MYO19: variants seen among roughly 807,000 people sequenced by gnomAD.
The protein encoded by MYO19 is unconventional myosin-XIX.
MYO19 carries 132 observed loss-of-function variants against 129.2 expected under a neutral mutation model. That is an observed-to-expected ratio of 1.02 (90% confidence interval 0.89 to 1.18). The LOEUF (loss-of-function observed/expected upper bound fraction) is 1.18. MYO19 is among the 50% of genes most tolerant of loss of function. The pLI is 0.00. For missense variants in MYO19, 1,210 were observed against 1,216.7 expected (o/e 0.99, Z 0.08); for synonymous variants, 531 against 477.2 (o/e 1.11, Z -1.47).
intron 21 of MYO19, chr17:36,502,728 C>T (rs2071617932): frequency 4.3e-6 from 1 of 235,020 alleles, no homozygotes; most frequent in African/African-American, 2.3e-5. Context: ...GAACCAGCAA[C>T]ACAGAACTGG....
intron 6 of MYO19, among the ~76,000 whole-genome samples, chr17:36,519,350 T>C (rs920785265): frequency 2.6e-5 from 4 of 152,256 alleles, no homozygotes; most frequent in Non-Finnish European, 2.9e-5. Context: ...CTTAGCAACA[T>C]TGCTTGTTCT....
intron 2 of MYO19, among the ~76,000 whole-genome samples, chr17:36,541,177 C>T (rs527302878): frequency 2.4e-4 from 36 of 151,866 alleles, no homozygotes; most frequent in African/African-American, 8.2e-4. Context: ...GATCTCCTGA[C>T]CTCGTGATCC....
intron 15 of MYO19, 48 bp downstream of exon 15, chr17:36,507,755 T>C (rs2072019922): frequency 8.4e-6 from 13 of 1,540,358 alleles, no homozygotes; most frequent in Non-Finnish European, 5.3e-6. Context: ...CAGGAAGGGA[T>C]TGAGGATCCA....
chr17:36,508,072 G>A (rs2072044246), intron 14 of MYO19, 148 bp from the exon 15 acceptor site: 3 of 798,146 alleles, frequency 3.8e-6, no homozygotes, highest in Non-Finnish European at 5.5e-6. Flanking sequence ...ACCTGTGGTG[G>A]GCAGAACATA....
intron 3 of MYO19, among the ~76,000 whole-genome samples, chr17:36,529,931 C>G (rs2073725924): frequency 1.3e-5 from 2 of 152,316 alleles, no homozygotes; most frequent in South Asian, 4.1e-4. Flanking sequence ...TCCCTGTAAT[C>G]CCAGCTACTT....
chr17:36,499,315 C>T (rs1476040039), intron 23 of MYO19, 155 bp from the exon 24 acceptor site: 5 of 507,080 alleles, frequency 9.9e-6, no homozygotes, highest in African/African-American at 2.0e-5. Flanking sequence ...AAAATCAATA[C>T]ATAAGGCAAA....
chr17:36,514,433 A>T lies in MYO19; in HGVS notation c.720+13T>A. On this transcript the variant is annotated intron_variant, in intron 9 of 25. Transcript: ENST00000614623. The stretch of plus-strand genomic sequence containing the variant: ...CTCGCATCTGGGGGGCTGTGGCCCC[A>T]TTTGGCACAAACCTGATAGAAGATG... The T allele has an allele frequency of 3.8e-6, 6 of 1,587,280 alleles. No individual in the cohort carries two copies. The highest frequency in any genetic ancestry group is 5.2e-6 in the Non-Finnish European group (6 of 1,155,618).
In MYO19 at chr17:36,500,720, C is replaced by T. The variant is rs1402105539; in HGVS notation, c.2377+110G>A. 4 of 1,417,400 alleles carry T rather than the reference C, an allele frequency of 2.8e-6. No homozygotes were observed. In the East Asian group the frequency reaches 7.4e-5, roughly 26 times the overall value. The allele number at this position is 1,417,400 out of a possible 1,614,324, so 87.8% of individuals were successfully genotyped here. A position where few individuals can be genotyped will look rare whatever the true frequency, so the allele number is the denominator to read the frequency against. ...CCAGCACACCACAGGGACATCTCTT[C>T]AGGCTGGGACACAGCTTCAGGAGAT... On this transcript the variant is annotated intron_variant, in intron 23 of 25. Transcript: ENST00000614623.
Position 36,506,376 on chromosome 17 carries a change from G to A in MYO19, c.1797+80C>T, listed in dbSNP as rs150080639. ...CCACTGCTCCCCAACAAACAGCACCGATCCCGGCAGGTGCTCAATAAATAT... is the reference window on the plus strand; with the variant it reads ...CCACTGCTCCCCAACAAACAGCACCAATCCCGGCAGGTGCTCAATAAATAT... On this transcript the variant is annotated intron_variant, in intron 18 of 25. Coordinates refer to ENST00000614623, the MANE Select transcript of MYO19 (RefSeq NM_001163735.2). 2.2e-3 allele frequency: 3,436 copies of A among 1,573,508 alleles called. 7 individuals are homozygous for A. The highest frequency in any genetic ancestry group is 5.3e-3 in the Middle Eastern group (32 of 5,994).
chr17:36,496,667 G>A (rs189612240), intron 25 of MYO19, among the ~76,000 whole-genome samples: 2 of 152,164 alleles, frequency 1.3e-5, no homozygotes, highest in African/African-American at 4.8e-5. Flanking sequence ...TTACCCTTCT[G>A]TTTAGCAGGC....
intron 6 of MYO19, among the ~76,000 whole-genome samples, chr17:36,523,323 C>T (rs1292622036): frequency 3.3e-5 from 5 of 152,144 alleles, no homozygotes; most frequent in Non-Finnish European, 5.9e-5. Context: ...GTGGCAGCAG[C>T]CCTCAGCAGG....
rs771972623 is a variant in MYO19 at position 36,507,053 on chromosome 17, G to A, written c.1554C>T (p.His518=). The change falls in exon 17 of 26, where the codon CAC becomes CAT. Residue 518 remains histidine, a synonymous_variant. Transcript: ENST00000614623. The part of the protein sequence containing the change: ...TALAGSPCLG[H]NKLSREPSFI... ...AGCTGGGCTCCCGGCTGAGCTTATT[G>A]TGGCCCAGGCAGGGGCTGCCTGCCA... 6.2e-7 allele frequency: 1 copy of A among 1,613,640 alleles called. No individual in the cohort carries two copies. The highest frequency in any genetic ancestry group is 8.5e-7 in the Non-Finnish European group (1 of 1,179,676).
At chr17:36,497,649 A>G (rs2071120343) in intron 25 of MYO19, 4 of 608,536 alleles carry the variant, frequency 6.6e-6, no homozygotes, top group South Asian at 1.5e-4. Flanking sequence ...CAGCGGCGCA[A>G]TCTCGGCTCA....
At position 36,527,730 on chromosome 17, in the gene MYO19, G is replaced by A. The variant is rs373140861; in HGVS notation, c.152-31C>T. ...GCAGAGATGCCTTTAGCAAACTCGG[G>A]CTCAAATATAGTCAAACCACACACA... On this transcript the variant is annotated intron_variant, in intron 4 of 25. Coordinates refer to ENST00000614623, the MANE Select transcript of MYO19 (RefSeq NM_001163735.2). 2.9e-3 allele frequency: 4,640 copies of A among 1,595,104 alleles called. 11 individuals are homozygous for A. The highest frequency in any genetic ancestry group is 3.6e-3 in the Non-Finnish European group (4,209 of 1,170,210).
chr17:36,534,248 T>A (rs1015998601), intron 1 of MYO19, 144 bp from the exon 2 acceptor site: 1 of 152,208 alleles, frequency 6.6e-6, no homozygotes, highest in Non-Finnish European at 1.5e-5. Flanking sequence ...AAGCGCTGGG[T>A]AAGGATCTCA....
At position 36,522,028 on chromosome 17, in the gene MYO19, T is replaced by TCAAAAAA. The variant is rs1567777190; in HGVS notation, c.414+3199_414+3200insTTTTTTG. Reference sequence around the variant, plus strand: ...CCTGGCAACAGAGCAAGACTGTCTTTAAAAAAAAAAAAAAAAAAAGAAAAG... The same window carrying TCAAAAAA: ...CCTGGCAACAGAGCAAGACTGTCTTTCAAAAAAAAAAAAAAAAAAAAAAAAAGAAAAG... On this transcript the variant is annotated intron_variant, in intron 6 of 25. Coordinates refer to ENST00000614623, the MANE Select transcript of MYO19 (RefSeq NM_001163735.2). Among the ~76,000 whole-genome samples, 27 of 115,214 alleles carry TCAAAAAA rather than the reference T, an allele frequency of 2.3e-4. 2 individuals are homozygous for TCAAAAAA. Among genetic ancestry groups the TCAAAAAA allele is most frequent in the South Asian group, 8.4e-4 (3 of 3,572 alleles). 75.6% of individuals were successfully genotyped at this position (115,214 alleles called of 152,430 possible).
intron 2 of MYO19, among the ~76,000 whole-genome samples, chr17:36,533,006 G>A (rs924032550): frequency 1.3e-5 from 2 of 152,182 alleles, no homozygotes; most frequent in African/African-American, 4.8e-5. Context: ...ACATTAGACA[G>A]AAATATCCTA....
At chr17:36,537,265 C>G (rs772955640), upstream of MYO19, 37 of 1,613,910 alleles carry the variant, frequency 2.3e-5, no homozygotes, top group South Asian at 3.8e-4. Context: ...ACCTGGAAAA[C>G]TAGATTCCTC....
chr17:36,538,161 C>T (rs2074169258), upstream of MYO19: 1 of 1,613,972 alleles, frequency 6.2e-7, no homozygotes. Flanking sequence ...CTTCATATCT[C>T]TTTACGTAGT....
Sources: gnomAD v4.1 joint callset for allele counts (sites outside exome capture counted in the v4.1 genomes callset) on GRCh38, gnomAD v4.1.1 for gene constraint, MANE v1.5 for transcripts, NCBI Gene and HGNC (gene_info 2026-07-23, HGNC 2026-07-21) for gene names.